CYP2R1: variants seen among roughly 807,000 people sequenced by gnomAD.
CYP2R1 encodes the protein cytochrome P450 family 2 subfamily R member 1.
CYP2R1 carries 40 observed loss-of-function variants against 45.7 expected under a neutral mutation model. The observed-to-expected ratio is 0.87, with a 90% CI of 0.68 to 1.14. The LOEUF is 1.14. Among genes scored for constraint, CYP2R1 ranks in the 50% most tolerant of loss-of-function variants. CYP2R1 has a pLI of 0.00. For missense variants in CYP2R1, 605 were observed against 602.6 expected (o/e 1.00, Z -0.04); for synonymous variants, 234 against 219.3 (o/e 1.07, Z -0.59).
At chr11:14,888,456 C>T (rs1305827916) in intron 1 of CYP2R1, among the ~76,000 whole-genome samples, 2 of 152,146 alleles carry the variant, frequency 1.3e-5, no homozygotes, top group African/African-American at 4.8e-5. Context: ...CATTAAGTGA[C>T]TGCCACACTT....
At chr11:14,891,683 C>T (rs1020969616) in intron 1 of CYP2R1, 1 of 1,177,306 alleles carries the variant, frequency 8.5e-7, no homozygotes, top group Non-Finnish European at 1.1e-6. Context: ...GCGAGCCAAA[C>T]GGCGCAGGCG....
At chr11:14,885,705 C>T (rs1848588997) in intron 2 of CYP2R1, 71 bp downstream of exon 2, 3 of 1,531,400 alleles carry the variant, frequency 2.0e-6, no homozygotes, top group Admixed American at 1.7e-5. Context: ...ACTGTATGCA[C>T]TAAAACTTAA....
chr11:14,882,048 C>T (rs1848406824), intron 2 of CYP2R1, among the ~76,000 whole-genome samples: 2 of 152,060 alleles, frequency 1.3e-5, no homozygotes, highest in African/African-American at 2.4e-5. Context: ...GTAAGGGGGT[C>T]ATTAGTGCTG....
intron 1 of CYP2R1, chr11:14,891,568 T>G: frequency 9.7e-7 from 1 of 1,030,696 alleles, no homozygotes; most frequent in Non-Finnish European, 1.2e-6. Flanking sequence ...GCCTTGATTT[T>G]CCGACAAGCC....
chr11:14,892,245 G>T (rs782537518), upstream of CYP2R1: 15 of 1,577,944 alleles, frequency 9.5e-6, 1 homozygote, highest in East Asian at 3.4e-4. Flanking sequence ...GCAGCCCTGA[G>T]ACCCAGGCAC....
intron 1 of CYP2R1, among the ~76,000 whole-genome samples, chr11:14,889,607 A>G (rs1374788476): frequency 6.6e-6 from 1 of 152,156 alleles, no homozygotes; most frequent in Non-Finnish European, 1.5e-5. Flanking sequence ...CTCTCTCTGT[A>G]AAGAACCATG....
chr11:14,886,699 G>C (rs1848633022), intron 1 of CYP2R1: 1 of 152,226 alleles, frequency 6.6e-6, no homozygotes, highest in African/African-American at 2.4e-5. Context: ...TCCCTTATCA[G>C]TGGAATGTAA....
intron 1 of CYP2R1, chr11:14,891,669 G>A: frequency 8.5e-7 from 1 of 1,172,052 alleles, no homozygotes. Flanking sequence ...TGGCGGCGCG[G>A]CTGGCGAGCC....
Position 14,879,114 on chromosome 11 carries a change from C to T in CYP2R1, c.1330G>A (p.Gly444Arg). 1 of 1,612,478 alleles carries T rather than the reference C, an allele frequency of 6.2e-7. No homozygotes were observed. The highest frequency in any genetic ancestry group is 8.5e-7 in the Non-Finnish European group (1 of 1,178,972). The change falls in exon 4 of 5, where the codon GGA becomes AGA. Residue 444 changes from glycine to arginine, a missense_variant and splice_region_variant. Coordinates refer to ENST00000334636, the MANE Select transcript of CYP2R1 (RefSeq NM_024514.5). ...KKEALVPFSL[G>R]RRHCLGEHLA... ...TTACGCCCCGTGAAAGTTCTCTTAC[C>T]TAGGGAAAAAGGAACCAAAGCTTCC...
At chr11:14,890,501 A>C in intron 1 of CYP2R1, 1 of 736,236 alleles carries the variant, frequency 1.4e-6, no homozygotes, top group Non-Finnish European at 1.6e-6. Context: ...AACGTAAACC[A>C]TTAGTGACTT....
At chr11:14,890,753 T>G in intron 1 of CYP2R1, 1 of 559,674 alleles carries the variant, frequency 1.8e-6, no homozygotes, top group Non-Finnish European at 2.3e-6. Context: ...TTTCACCGTG[T>G]TAGCCACGAC....
At chr11:14,886,962 G>C (rs1236609269) in intron 1 of CYP2R1, 1 of 152,236 alleles carries the variant, frequency 6.6e-6, no homozygotes, top group Non-Finnish European at 1.5e-5. Flanking sequence ...GGTGGGCTCT[G>C]CCAAGTGAGC....
At chr11:14,881,181 T>C (rs782414170) in intron 2 of CYP2R1, among the ~76,000 whole-genome samples, 6 of 152,120 alleles carry the variant, frequency 3.9e-5, no homozygotes, top group Non-Finnish European at 8.8e-5. Context: ...TTAGAAATTT[T>C]CTGCTTAAAA....
At chr11:14,881,899 T>C (rs1454716375) in intron 2 of CYP2R1, among the ~76,000 whole-genome samples, 2 of 152,084 alleles carry the variant, frequency 1.3e-5, no homozygotes, top group Non-Finnish European at 2.9e-5. Flanking sequence ...TATTTCTTTA[T>C]AGCAATACAA....
Position 14,880,468 on chromosome 11 carries a change from C to A in CYP2R1, c.668G>T (p.Ser223Ile). ...GGCATTATACAAGAAGACTGAGGCACTGGCAGCTAGTTCCACATTTTCACT... is the reference window on the plus strand; with the variant it reads ...GGCATTATACAAGAAGACTGAGGCAATGGCAGCTAGTTCCACATTTTCACT... Reference protein sequence around the residue: ...LFSENVELAASASVFLYNAFP... With the variant: ...LFSENVELAAIASVFLYNAFP... Residue 223 changes from serine (S) to isoleucine (I), a missense_variant, in exon 3 of 5, where the codon AGT (serine) becomes ATT (isoleucine). By Grantham distance (142) the Ser-to-Ile change is moderately radical. Transcript: ENST00000334636. 6.2e-7 allele frequency: 1 copy of A among 1,613,470 alleles called. No individual in the cohort carries two copies. Among genetic ancestry groups the A allele is most frequent in the South Asian group, 1.1e-5 (1 of 91,070 alleles).
rs782622230 is a variant in CYP2R1, at chr11:14,892,034, A to C, written c.172T>G (p.Ser58Ala). The change falls in exon 1 of 5, where the codon TCA becomes GCA. Residue 58 changes from serine (S) to alanine (A), a missense_variant. By Grantham distance (99) the Ser-to-Ala change is moderately conservative. Coordinates refer to ENST00000334636, the MANE Select transcript of CYP2R1 (RefSeq NM_024514.5). ...FIGNIYSLAA[S>A]SELPHVYMRK... The stretch of plus-strand genomic sequence containing the variant: ...ATGTAGACATGGGGAAGCTCGGATG[A>C]GGCTGCCAGGGAATAGATGTTGCCG... The C allele has an allele frequency of 5.6e-6, 9 of 1,613,074 alleles. No individual in the cohort carries two copies. The highest frequency in any genetic ancestry group is 6.8e-6 in the Non-Finnish European group (8 of 1,179,712).
intron 1 of CYP2R1, chr11:14,891,631 A>C: frequency 9.1e-7 from 1 of 1,094,334 alleles, no homozygotes; most frequent in Non-Finnish European, 1.1e-6. Context: ...CCCGCACCTG[A>C]GGGCATGCGT....
chr11:14,880,720 A>C lies in CYP2R1; in HGVS notation c.416T>G (p.Leu139Ter). The change falls in exon 3 of 5, where the codon TTA (leucine) becomes TGA (stop). Residue 139 changes from leucine (L) to a stop codon, truncating the protein, a stop_gained. Coordinates refer to ENST00000334636, the MANE Select transcript of CYP2R1 (RefSeq NM_024514.5). LOFTEE classifies it high-confidence loss of function. The part of the protein sequence containing the change: ...YGRGWVDHRR[L>*]AVNSFRYFGY... ...AAAATATCGAAAACTGTTTACAGCTAATCGTCTGTGATCAACCCATCCTCG... is the reference window on the plus strand; with the variant it reads ...AAAATATCGAAAACTGTTTACAGCTCATCGTCTGTGATCAACCCATCCTCG... The C allele has an allele frequency of 6.2e-7, 1 of 1,602,418 alleles. No homozygotes were observed. Among genetic ancestry groups the C allele is most frequent in the Admixed American group, 1.8e-5 (1 of 56,950 alleles).
rs374603644 is a variant in CYP2R1 at position 14,878,102 on chromosome 11, C to T, written c.*20G>A. 20 of 1,612,260 alleles carry T rather than the reference C, an allele frequency of 1.2e-5. No individual in the cohort carries two copies. The highest frequency in any genetic ancestry group is 8.4e-5 in the Admixed American group (5 of 59,770). On this transcript the variant is annotated 3_prime_UTR_variant, in exon 5 of 5. Coordinates refer to ENST00000334636, the MANE Select transcript of CYP2R1 (RefSeq NM_024514.5). ...TAAGGCAAATATACATTCTTGTTCC[C>T]GAAAACATCCCAGGCAGTTTCAGCG... is the stretch of plus-strand genomic sequence containing the variant.
Sources: gnomAD v4.1 joint callset for allele counts (sites outside exome capture counted in the v4.1 genomes callset) on GRCh38, gnomAD v4.1.1 for gene constraint, MANE v1.5 for transcripts, NCBI Gene and HGNC (gene_info 2026-07-23, HGNC 2026-07-21) for gene names.